The following SNX29 variants were observed in gnomAD, a reference collection of about 807,000 sequenced individuals.
SNX29 encodes sorting nexin-29.
A neutral mutation model predicts 102.1 loss-of-function variants in SNX29; 78 were observed. The observed-to-expected ratio is 0.76, with a 90% CI of 0.64 to 0.92. The LOEUF is 0.92. Among genes scored for constraint, SNX29 ranks in the 40% least tolerant of loss-of-function variants. The pLI, the probability that SNX29 is intolerant of heterozygous loss-of-function variation, is 0.00. For synonymous variants in SNX29, 580 were observed against 414.5 expected (o/e 1.40, Z -4.85); for missense variants, 1,280 against 1,061.7 (o/e 1.21, Z -2.86).
chr16:12,379,504 G>A (rs1014932846), intron 16 of SNX29, among the ~76,000 whole-genome samples: 1 of 152,218 alleles, frequency 6.6e-6, no homozygotes, highest in African/African-American at 2.4e-5. Context: ...TTAGAAGCAG[G>A]GCAGGCCATG....
chr16:11,991,711 CTTTTTT>C (rs762156831), intron 1 of SNX29, among the ~76,000 whole-genome samples: 1 of 118,354 alleles, frequency 8.4e-6, no homozygotes, highest in Non-Finnish European at 1.7e-5. Context: ...TGAGGCTAAT[CTTTTTT>C]TTTTTTTTTT....
intron 14 of SNX29, among the ~76,000 whole-genome samples, chr16:12,243,136 T>C (rs2078162653): frequency 6.6e-6 from 1 of 152,260 alleles, no homozygotes; most frequent in African/African-American, 2.4e-5. Context: ...GTCTTCTCGC[T>C]CTTTCTGTAT....
chr16:12,542,329 GAGCAAGAGATT>G (rs2077379677), intron 20 of SNX29, among the ~76,000 whole-genome samples: 1 of 152,204 alleles, frequency 6.6e-6, no homozygotes, highest in East Asian at 1.9e-4. Flanking sequence ...GCTGCTGTTA[GAGCAAGAGATT>G]GTCTCAAAAG....
At chr16:12,321,592 T>G (rs1177102383) in intron 15 of SNX29, among the ~76,000 whole-genome samples, 1 of 151,964 alleles carries the variant, frequency 6.6e-6, no homozygotes, top group African/African-American at 2.4e-5. Flanking sequence ...GTTGAGAGAT[T>G]AGGGGATGAG....
intron 4 of SNX29, among the ~76,000 whole-genome samples, chr16:12,036,904 A>T (rs1456182586): frequency 6.6e-6 from 1 of 152,180 alleles, no homozygotes; most frequent in African/African-American, 2.4e-5. Context: ...ACATTTATTT[A>T]TTGACTCAAG....
chr16:12,336,458 G>C lies in SNX29; in HGVS notation c.1783-19705G>C, dbSNP rs373944160. ...ACGTGTTGGCACGTTTCACTGGATG[G>C]TTTGTGTTGCAGTCATGCCCATAGC... On this transcript the variant is annotated intron_variant, in intron 15 of 20. Transcript: ENST00000566228. 3.8e-3 allele frequency among the ~76,000 whole-genome samples: 586 copies of C among 152,340 alleles called. 47 individuals are homozygous for C. The South Asian group carries it at 0.12, about 30-fold the overall frequency.
intron 20 of SNX29, among the ~76,000 whole-genome samples, chr16:12,537,307 A>G (rs1325339370): frequency 1.6e-4 from 24 of 152,252 alleles, no homozygotes; most frequent in Non-Finnish European, 8.8e-5. Flanking sequence ...GGATTTTAGT[A>G]TAGTGGCTAA....
intron 18 of SNX29, among the ~76,000 whole-genome samples, chr16:12,459,863 G>T (rs2086703869): frequency 1.3e-5 from 2 of 152,100 alleles, no homozygotes; most frequent in Admixed American, 1.3e-4. Context: ...AAGCCATAGT[G>T]AACTGGCCTT....
intron 13 of SNX29, among the ~76,000 whole-genome samples, chr16:12,191,723 C>T (rs557815550): frequency 1.9e-4 from 29 of 151,832 alleles, no homozygotes; most frequent in Non-Finnish European, 3.1e-4. Flanking sequence ...GGTTTTTCAA[C>T]ATTGGTTGTT....
In SNX29 at chr16:12,571,489, C is replaced by T. The variant is rs970690299; in HGVS notation, c.*2860C>T. 11 of 328,092 alleles carry T rather than the reference C, an allele frequency of 3.4e-5. No individual in the cohort carries two copies. The highest frequency in any genetic ancestry group is 1.1e-4 in the Admixed American group (2 of 17,820). The allele number at this position is 328,092 out of a possible 1,614,324, so 20.3% of individuals were successfully genotyped here. ...GCCCCCTCCCCTACTCAGAGAGGAA[C>T]GAGGGTGGCCCACCTCTCAAGGGCC... On this transcript the variant is annotated 3_prime_UTR_variant, in exon 21 of 21. Coordinates refer to ENST00000566228, the MANE Select transcript of SNX29 (RefSeq NM_032167.5).
At chr16:12,281,317 G>T (rs1045577409) in intron 15 of SNX29, among the ~76,000 whole-genome samples, 2 of 152,166 alleles carry the variant, frequency 1.3e-5, no homozygotes, top group East Asian at 3.9e-4. Flanking sequence ...GTGTCTTTGA[G>T]AGCATGAAAG....
chr16:12,409,566 C>CT (rs2084311581), intron 18 of SNX29, among the ~76,000 whole-genome samples: 1 of 151,484 alleles, frequency 6.6e-6, no homozygotes, highest in Non-Finnish European at 1.5e-5. Flanking sequence ...GTAGCTGGGA[C>CT]TACAGGTGCC....
intron 11 of SNX29, among the ~76,000 whole-genome samples, chr16:12,111,560 C>T (rs1372094037): frequency 1.3e-5 from 2 of 152,176 alleles, no homozygotes; most frequent in African/African-American, 4.8e-5. Flanking sequence ...CGGCCCCTTC[C>T]CACTGCAAGG....
At chr16:12,368,096 G>C (rs1161072773) in intron 16 of SNX29, among the ~76,000 whole-genome samples, 1 of 152,176 alleles carries the variant, frequency 6.6e-6, no homozygotes, top group Non-Finnish European at 1.5e-5. Flanking sequence ...TAATATCACA[G>C]AGCTTTCTTT....
Position 11,976,737 on chromosome 16 carries a change from T to G in SNX29, c.-70T>G. 8.4e-7 allele frequency: 1 copy of G among 1,188,818 alleles called. No individual in the cohort carries two copies. Among genetic ancestry groups the G allele is most frequent in the East Asian group, 3.3e-5 (1 of 30,678 alleles). The allele number at this position is 1,188,818 out of a possible 1,614,324, so 73.6% of individuals were successfully genotyped here. On this transcript the variant is annotated 5_prime_UTR_variant, in exon 1 of 21. Transcript: ENST00000566228. Reference sequence around the variant, plus strand: ...CGGGGCTCCTGTCTCCCGGCCTGTCTGGAGCTCGGCAGCCGCAGAAGCGGC... The same window carrying G: ...CGGGGCTCCTGTCTCCCGGCCTGTCGGGAGCTCGGCAGCCGCAGAAGCGGC...
chr16:12,448,415 T>C (rs1358009528), intron 18 of SNX29, among the ~76,000 whole-genome samples: 1 of 152,114 alleles, frequency 6.6e-6, no homozygotes, highest in African/African-American at 2.4e-5. Context: ...CAATTGCTGG[T>C]GAACATGTTT....
intron 3 of SNX29, among the ~76,000 whole-genome samples, chr16:12,005,740 CTT>C (rs923610332): frequency 2.6e-5 from 4 of 152,124 alleles, no homozygotes; most frequent in African/African-American, 9.7e-5. Flanking sequence ...AAATTCAAAA[CTT>C]TTTGAGTACC....
chr16:12,548,608 T>G (rs546465611), intron 20 of SNX29, among the ~76,000 whole-genome samples: 1 of 152,284 alleles, frequency 6.6e-6, no homozygotes, highest in Non-Finnish European at 1.5e-5. Flanking sequence ...GGGTACTCTG[T>G]CCAAGCCCCA....
intron 15 of SNX29, among the ~76,000 whole-genome samples, chr16:12,295,409 A>G (rs1404085859): frequency 6.6e-6 from 1 of 152,020 alleles, no homozygotes; most frequent in Non-Finnish European, 1.5e-5. Context: ...GTCGCCCACC[A>G]CTTTCTTAGT....
Sources: gnomAD v4.1 joint callset for allele counts (sites outside exome capture counted in the v4.1 genomes callset) on GRCh38, gnomAD v4.1.1 for gene constraint, MANE v1.5 for transcripts, NCBI Gene and HGNC (gene_info 2026-07-23, HGNC 2026-07-21) for gene names.